Variants in UST observed in about 807,000 individuals in gnomAD.
The protein encoded by UST is chondroitin sulfate 2-O-sulfotransferase.
A neutral mutation model predicts 45.6 loss-of-function variants in UST; 21 were observed. The ratio of observed to expected loss-of-function variants is 0.46; its 90% CI spans 0.33 to 0.66. UST has a LOEUF of 0.66. UST is among the 30% of genes least tolerant of loss of function. UST has a pLI of 0.02. For synonymous variants in UST, 215 were observed against 200.6 expected (o/e 1.07, Z -0.61); for missense variants, 463 against 512.4 (o/e 0.90, Z 0.93).
At chr6:148,842,052 G>T (rs1258392598) in intron 1 of UST, among the ~76,000 whole-genome samples, 1 of 152,174 alleles carries the variant, frequency 6.6e-6, no homozygotes, top group African/African-American at 2.4e-5. Flanking sequence ...ATTGCAGTGA[G>T]CCGAGATCTT....
At chr6:148,775,029 A>C (rs1776503923) in intron 1 of UST, among the ~76,000 whole-genome samples, 1 of 152,182 alleles carries the variant, frequency 6.6e-6, no homozygotes, top group African/African-American at 2.4e-5. Context: ...TCAAAGAAAA[A>C]AAAAAGAGTG....
At chr6:149,004,989 C>G (rs140306416) in intron 5 of UST, among the ~76,000 whole-genome samples, 283 of 140,820 alleles carry the variant, frequency 2.0e-3, no homozygotes, top group African/African-American at 7.3e-3. Context: ...GCATGAACCA[C>G]TATACCTCCA....
chr6:148,883,247 A>G, intron 1 of UST, among the ~76,000 whole-genome samples: 1 of 152,242 alleles, frequency 6.6e-6, no homozygotes, highest in East Asian at 1.9e-4. Context: ...TGTTGAGTCA[A>G]AGGTATGCCA....
intron 1 of UST, among the ~76,000 whole-genome samples, chr6:148,794,993 C>G (rs1470528113): frequency 6.6e-6 from 1 of 152,192 alleles, no homozygotes; most frequent in Non-Finnish European, 1.5e-5. Flanking sequence ...GTCAGTCATA[C>G]TAAAGACTGA....
chr6:148,951,580 T>C (rs1477677935), intron 3 of UST, among the ~76,000 whole-genome samples: 1 of 152,114 alleles, frequency 6.6e-6, no homozygotes, highest in Non-Finnish European at 1.5e-5. Context: ...ATGCCTCTCC[T>C]GCAAATAAGA....
Position 148,747,634 on chromosome 6 carries a change from C to T in UST, c.204C>T (p.Ser68=), listed in dbSNP as rs747967878. Residue 68 remains serine (S), a synonymous_variant, in exon 1 of 8, where the codon AGC becomes AGT. Coordinates refer to ENST00000367463, the MANE Select transcript of UST (RefSeq NM_005715.3). ...TGGGCTCCCTCCTCTATCAGCTCAG[C>T]GGGGGACCCCCTCGCTTCCTGCTCG... ...FCLGSLLYQL[S]GGPPRFLLDL... is the part of the protein sequence containing the mutation. 1.9e-6 allele frequency: 3 copies of T among 1,600,010 alleles called. No homozygotes were observed. The highest frequency in any genetic ancestry group is 2.3e-5 in the South Asian group (2 of 88,776).
intron 1 of UST, among the ~76,000 whole-genome samples, chr6:148,824,691 T>A (rs998682938): frequency 3.3e-5 from 5 of 149,348 alleles, no homozygotes; most frequent in African/African-American, 7.4e-5. Context: ...TTTTTTTTTT[T>A]ATTATACTCT....
chr6:149,028,627 C>T (rs1283440779), intron 7 of UST, among the ~76,000 whole-genome samples: 1 of 152,182 alleles, frequency 6.6e-6, no homozygotes, highest in Non-Finnish European at 1.5e-5. Context: ...CAATTATATT[C>T]CAGTCAATAG....
intron 1 of UST, among the ~76,000 whole-genome samples, chr6:148,757,187 A>G (rs1776116810): frequency 6.6e-6 from 1 of 152,250 alleles, no homozygotes; most frequent in African/African-American, 2.4e-5. Flanking sequence ...TTCTGTGCAC[A>G]GAGATAACTG....
intron 2 of UST, 32 bp from the exon 3 acceptor site, chr6:148,941,247 T>A (rs532559860): frequency 1.2e-6 from 2 of 1,612,004 alleles, no homozygotes; most frequent in Non-Finnish European, 1.7e-6. Context: ...CATACAGACG[T>A]TTCATGTTTG....
chr6:148,773,882 G>T (rs1245756112), intron 1 of UST, among the ~76,000 whole-genome samples: 1 of 152,184 alleles, frequency 6.6e-6, no homozygotes, highest in African/African-American at 2.4e-5. Flanking sequence ...CCAAATGTCT[G>T]CTGCCAGATT....
In UST at chr6:149,075,229, AC is replaced by A. The variant is rs1459881226; in HGVS notation, c.*1117del. 6.6e-6 allele frequency: 1 copy of A among 152,090 alleles called. No homozygotes were observed. Among genetic ancestry groups the A allele is most frequent in the African/African-American group, 2.4e-5 (1 of 41,414 alleles). 9.4% of individuals were successfully genotyped at this position (152,090 alleles called of 1,614,324 possible). Reference sequence around the variant, plus strand: ...AGATGGTGTGTAATCTATCAAACACACCCCTGGCCAAGTTGGGTCCTATAGG... The same window carrying A: ...AGATGGTGTGTAATCTATCAAACACACCCTGGCCAAGTTGGGTCCTATAGG... On this transcript the variant is annotated 3_prime_UTR_variant, in exon 8 of 8. Coordinates refer to ENST00000367463, the MANE Select transcript of UST (RefSeq NM_005715.3).
chr6:149,055,826 C>T (rs1776554005), intron 7 of UST, among the ~76,000 whole-genome samples: 2 of 152,160 alleles, frequency 1.3e-5, no homozygotes, highest in African/African-American at 4.8e-5. Context: ...CAATCAGTCC[C>T]TTCTCTTCCA....
chr6:148,812,880 C>T (rs900605552), intron 1 of UST, among the ~76,000 whole-genome samples: 1 of 152,100 alleles, frequency 6.6e-6, no homozygotes, highest in Non-Finnish European at 1.5e-5. Context: ...AGGTCGTCTT[C>T]GAGCCTGGAT....
At chr6:149,017,554 G>C (rs985062230) in intron 5 of UST, among the ~76,000 whole-genome samples, 3 of 151,980 alleles carry the variant, frequency 2.0e-5, no homozygotes, top group African/African-American at 7.3e-5. Flanking sequence ...TAAACATGTT[G>C]ATTTTTATAT....
At position 148,855,740 on chromosome 6, in the gene UST, C is replaced by T. The variant is rs115001995; in HGVS notation, c.248-31246C>T. Among the ~76,000 whole-genome samples the T allele has an allele frequency of 5.2e-3, 786 of 152,092 alleles. 15 individuals are homozygous for T. The highest frequency in any genetic ancestry group is 0.018 in the African/African-American group (750 of 41,482). On this transcript the variant is annotated intron_variant, in intron 1 of 7. Coordinates refer to ENST00000367463, the MANE Select transcript of UST (RefSeq NM_005715.3). ...ACTAATGTTCATAATATTAATACTT[C>T]GGGAGAAAAAGGAGACCCTTACGAT...
chr6:148,755,972 C>T (rs573350970), intron 1 of UST, among the ~76,000 whole-genome samples: 2 of 151,956 alleles, frequency 1.3e-5, no homozygotes, highest in East Asian at 3.9e-4. Context: ...TCGTCATTTA[C>T]ATTAGGTATA....
intron 2 of UST, among the ~76,000 whole-genome samples, chr6:148,890,290 G>A: frequency 6.6e-6 from 1 of 152,134 alleles, no homozygotes; most frequent in East Asian, 1.9e-4. Flanking sequence ...GGTCCCTTAA[G>A]TGTCCCCTGG....
chr6:148,812,837 G>A (rs1777284239), intron 1 of UST, among the ~76,000 whole-genome samples: 1 of 152,198 alleles, frequency 6.6e-6, no homozygotes. Context: ...GACTGTTCAT[G>A]GGTGTGAATG....
Sources: allele counts gnomAD v4.1 joint callset (sites outside exome capture counted in the v4.1 genomes callset), GRCh38; gene constraint gnomAD v4.1.1; transcripts MANE v1.5; gene names NCBI Gene and HGNC (gene_info 2026-07-23, HGNC 2026-07-21).